SLC24A3: variants seen among roughly 807,000 people sequenced by gnomAD.
SLC24A3 encodes the protein sodium/potassium/calcium exchanger 3.
SLC24A3 carries 28 observed loss-of-function variants against 75.8 expected under a neutral mutation model. The ratio of observed to expected loss-of-function variants is 0.37; its 90% CI spans 0.27 to 0.51. The LOEUF is 0.51. Among genes scored for constraint, SLC24A3 ranks in the 20% least tolerant of loss-of-function variants. SLC24A3 has a pLI of 0.94. For missense variants in SLC24A3, 663 were observed against 847.8 expected, an observed-to-expected ratio of 0.78 and a Z score of 2.71; for synonymous variants, 372 against 334.1, an observed-to-expected ratio of 1.11 and a Z score of -1.24.
At chr20:19,291,123 C>T (rs749760417) in intron 2 of SLC24A3, among the ~76,000 whole-genome samples, 14 of 150,722 alleles carry the variant, frequency 9.3e-5, no homozygotes, top group Admixed American at 3.3e-4. Context: ...CAGGGCTGGC[C>T]GAGGTAACAG....
At chr20:19,219,435 T>G (rs1440184693) in intron 1 of SLC24A3, among the ~76,000 whole-genome samples, 1 of 152,150 alleles carries the variant, frequency 6.6e-6, no homozygotes, top group Admixed American at 6.6e-5. Flanking sequence ...GGTGGCAGCG[T>G]TGTCTTCGAG....
chr20:19,685,923 G>A (rs2032670353), intron 12 of SLC24A3, among the ~76,000 whole-genome samples: 1 of 152,160 alleles, frequency 6.6e-6, no homozygotes. Flanking sequence ...ACAATGATCT[G>A]GTGAGTTTCA....
At chr20:19,557,483 T>C (rs2030807036) in intron 3 of SLC24A3, among the ~76,000 whole-genome samples, 1 of 152,208 alleles carries the variant, frequency 6.6e-6, no homozygotes, top group African/African-American at 2.4e-5. Context: ...TGTCCATCTA[T>C]TGACAAATCA....
At chr20:19,497,354 A>C (rs1226234533) in intron 2 of SLC24A3, among the ~76,000 whole-genome samples, 1 of 152,148 alleles carries the variant, frequency 6.6e-6, no homozygotes, top group East Asian at 1.9e-4. Context: ...TACTTACCGC[A>C]AGGCCTGCAG....
chr20:19,254,390 A>G (rs1346260191), intron 1 of SLC24A3, among the ~76,000 whole-genome samples: 1 of 152,074 alleles, frequency 6.6e-6, no homozygotes, highest in African/African-American at 2.4e-5. Context: ...TGCCACCTCA[A>G]GGGAAGATTT....
intron 6 of SLC24A3, among the ~76,000 whole-genome samples, chr20:19,589,844 T>C (rs2031349563): frequency 6.6e-6 from 1 of 152,106 alleles, no homozygotes; most frequent in Admixed American, 6.6e-5. Context: ...ACTGGGGGAT[T>C]CAGTATTCCC....
chr20:19,534,792 G>A (rs912204295), intron 3 of SLC24A3, among the ~76,000 whole-genome samples: 12 of 152,134 alleles, frequency 7.9e-5, no homozygotes, highest in African/African-American at 2.9e-4. Context: ...AAGTGTATAA[G>A]GTACAGATTG....
intron 2 of SLC24A3, among the ~76,000 whole-genome samples, chr20:19,379,117 A>C (rs1248296096): frequency 1.3e-5 from 2 of 152,150 alleles, no homozygotes. Flanking sequence ...CAAGCAGATG[A>C]ACCATGAGCG....
intron 6 of SLC24A3, among the ~76,000 whole-genome samples, chr20:19,597,019 G>A (rs1315489714): frequency 1.3e-5 from 2 of 152,210 alleles, no homozygotes; most frequent in East Asian, 3.9e-4. Flanking sequence ...CTCCTGACAA[G>A]CCTTATCTCT....
Position 19,436,607 on chromosome 20 carries a change from ACT to A in SLC24A3, c.272-78876_272-78875del, listed in dbSNP as rs1164430343. Among the ~76,000 whole-genome samples, 9 of 151,766 alleles carry A rather than the reference ACT, an allele frequency of 5.9e-5. No individual in the cohort carries two copies. The East Asian group carries it at 1.7e-3, about 29-fold the overall frequency. ...CTGCCTCTCTCATCATATCAGTCTT[ACT>A]CTCTTTTACTCTTTTCTTGGTGTGT... On this transcript the variant is annotated intron_variant, in intron 2 of 16. Coordinates refer to ENST00000328041, the MANE Select transcript of SLC24A3 (RefSeq NM_020689.4).
chr20:19,383,381 G>GT lies in SLC24A3; in HGVS notation c.271+102304dup, dbSNP rs374174130. ...TTTAACAGTCTTCTATGGAAGTTAA[G>GT]TTTTTTTTTTCCCACTACCCCCAGG... On this transcript the variant is annotated intron_variant, in intron 2 of 16. Transcript: ENST00000328041. Among the ~76,000 whole-genome samples the GT allele has an allele frequency of 3.9e-3, 580 of 150,064 alleles. 3 individuals carry two copies. The highest frequency in any genetic ancestry group is 0.013 in the African/African-American group (548 of 41,028).
chr20:19,641,726 C>T (rs1163066755), intron 6 of SLC24A3, among the ~76,000 whole-genome samples: 3 of 152,158 alleles, frequency 2.0e-5, no homozygotes, highest in African/African-American at 4.8e-5. Context: ...TGGGCCACAG[C>T]ACAGCTCAGC....
At chr20:19,617,804 T>G (rs2031754600) in intron 6 of SLC24A3, among the ~76,000 whole-genome samples, 1 of 152,056 alleles carries the variant, frequency 6.6e-6, no homozygotes, top group African/African-American at 2.4e-5. Context: ...ATAAAAAGAA[T>G]AGTGGTGTCC....
chr20:19,606,859 T>G (rs2031604225), intron 6 of SLC24A3, among the ~76,000 whole-genome samples: 1 of 152,178 alleles, frequency 6.6e-6, no homozygotes, highest in Admixed American at 6.5e-5. Flanking sequence ...AAACTAGGAC[T>G]TGAACCCCAC....
At chr20:19,443,998 G>T (rs753130668) in intron 2 of SLC24A3, among the ~76,000 whole-genome samples, 2 of 152,112 alleles carry the variant, frequency 1.3e-5, no homozygotes. Context: ...TTTCTGCCAG[G>T]TTCCCCTCTA....
chr20:19,525,242 G>T (rs1412241157), intron 3 of SLC24A3, among the ~76,000 whole-genome samples: 2 of 152,174 alleles, frequency 1.3e-5, no homozygotes, highest in Non-Finnish European at 2.9e-5. Context: ...TATGCAGAGT[G>T]TTCTGCAGCC....
At chr20:19,536,163 A>G (rs1348027289) in intron 3 of SLC24A3, among the ~76,000 whole-genome samples, 12 of 151,926 alleles carry the variant, frequency 7.9e-5, no homozygotes, top group Admixed American at 5.2e-4. Context: ...CCCTCAATCC[A>G]CTCCTCAGTA....
chr20:19,339,158 T>A (rs1169755204), intron 2 of SLC24A3, among the ~76,000 whole-genome samples: 1 of 152,158 alleles, frequency 6.6e-6, no homozygotes, highest in African/African-American at 2.4e-5. Flanking sequence ...GAGCTTCCTT[T>A]TATACCCTCC....
intron 3 of SLC24A3, among the ~76,000 whole-genome samples, chr20:19,519,452 G>A (rs747149303): frequency 2.8e-4 from 43 of 152,216 alleles, no homozygotes; most frequent in Middle Eastern, 6.8e-3. Flanking sequence ...TGGATCTTTC[G>A]TGTTTTATGT....
Sources: allele counts gnomAD v4.1 joint callset (sites outside exome capture counted in the v4.1 genomes callset), GRCh38; gene constraint gnomAD v4.1.1; transcripts MANE v1.5; gene names NCBI Gene and HGNC (gene_info 2026-07-23, HGNC 2026-07-21).